PIGG: variants seen among roughly 807,000 people sequenced by gnomAD.
PIGG encodes the protein phosphatidylinositol glycan anchor biosynthesis class G (EMM blood group).
In PIGG, 70 loss-of-function variants were observed where a neutral mutation model predicts 83.2. The ratio of observed to expected loss-of-function variants is 0.84; its 90% CI spans 0.69 to 1.03. PIGG has a LOEUF of 1.03. Among genes scored for constraint, PIGG ranks in the 50% least tolerant of loss-of-function variants. The pLI is 0.00. For synonymous variants in PIGG, 532 were observed against 519.5 expected, an observed-to-expected ratio of 1.02 and a Z score of -0.33; for missense variants, 1,257 against 1,233.6, an observed-to-expected ratio of 1.02 and a Z score of -0.28.
At chr4:517,809 C>T (rs761659704) in intron 6 of PIGG, among the ~76,000 whole-genome samples, 31 of 150,750 alleles carry the variant, frequency 2.1e-4, no homozygotes, top group Middle Eastern at 3.4e-3. Flanking sequence ...AGGAGAGGAA[C>T]GTTTGTCTCC....
intron 12 of PIGG, among the ~76,000 whole-genome samples, chr4:538,787 G>A (rs1731370464): frequency 6.6e-6 from 1 of 152,200 alleles, no homozygotes; most frequent in Non-Finnish European, 1.5e-5. Flanking sequence ...TCAAGTTTCA[G>A]AAGCATTTCT....
In PIGG at chr4:507,427, A is replaced by G; in HGVS notation, c.593A>G (p.His198Arg). The change falls in exon 4 of 13, where the codon CAT (histidine) becomes CGT (arginine). Residue 198 changes from histidine to arginine, a missense_variant. Coordinates refer to ENST00000453061, the MANE Select transcript of PIGG (RefSeq NM_001127178.3). ...YTEVDNNVTR[H>R]LDKVLKRGDW... ...AAGGTGGATAATAATGTCACGAGGC[A>G]TTTGGATAAAGTATTAAAAAGAGGA... The G allele has an allele frequency of 6.2e-7, 1 of 1,612,678 alleles. No homozygotes were observed. Among genetic ancestry groups the G allele is most frequent in the African/African-American group, 1.3e-5 (1 of 75,030 alleles).
intron 7 of PIGG, 114 bp from the exon 8 acceptor site, chr4:521,546 G>T: frequency 9.9e-7 from 1 of 1,008,162 alleles, no homozygotes; most frequent in Non-Finnish European, 1.4e-6. Context: ...TCCTGAGCTT[G>T]CTTTTCTGTT....
chr4:528,848 G>T lies in PIGG; in HGVS notation c.2262-1588G>T, dbSNP rs376088444. ...GCCAGTGTGCCTTTTCTTTCCACAC[G>T]CACTGCCTGGTTCACCTTCTTCCTG... On this transcript the variant is annotated intron_variant, in intron 10 of 12. Transcript: ENST00000453061. The surrounding 1 kb of genome is among the most constrained non-coding windows in gnomAD (Gnocchi z 4.8). 1 of 400,266 alleles carries T rather than the reference G, an allele frequency of 2.5e-6. No homozygotes were observed. The allele number at this position is 400,266 out of a possible 1,614,324, so 24.8% of individuals were successfully genotyped here.
At position 524,278 on chromosome 4, in the gene PIGG, C is replaced by T. The variant is rs373953616; in HGVS notation, c.2069+365C>T. Among the ~76,000 whole-genome samples, 190 of 152,340 alleles carry T rather than the reference C, an allele frequency of 1.2e-3. 1 individual carries two copies. The South Asian group carries it at 0.033, about 26-fold the overall frequency. On this transcript the variant is annotated intron_variant, in intron 9 of 12. Coordinates refer to ENST00000453061, the MANE Select transcript of PIGG (RefSeq NM_001127178.3). ...GTCCATGCCTGGGCTGTGTGCCCCC[C>T]GCCCATCACTCAGTGTCTGCCTGTG...
intron 6 of PIGG, among the ~76,000 whole-genome samples, chr4:516,684 C>T (rs1163991136): frequency 3.3e-5 from 5 of 151,902 alleles, no homozygotes; most frequent in Admixed American, 6.6e-5. Context: ...AGTGAAACCC[C>T]GTCTCTACTA....
intron 9 of PIGG, chr4:525,536 GA>G (rs1727336751): frequency 5.5e-6 from 1 of 181,230 alleles, no homozygotes; most frequent in Non-Finnish European, 1.1e-5. Flanking sequence ...CATACCTGCT[GA>G]GGCAGAGAAG....
chr4:526,330 G>A (rs1442908081), intron 9 of PIGG, among the ~76,000 whole-genome samples: 1 of 152,248 alleles, frequency 6.6e-6, no homozygotes, highest in Non-Finnish European at 1.5e-5. Flanking sequence ...TTTGAAGCGG[G>A]AGCTGCAGTG....
chr4:518,404 T>C (rs903594620), intron 6 of PIGG, among the ~76,000 whole-genome samples: 11 of 152,020 alleles, frequency 7.2e-5, no homozygotes, highest in Admixed American at 2.0e-4. Context: ...CCGTCCTGGC[T>C]AACACAGTGA....
chr4:526,760 C>T (rs917179922), intron 9 of PIGG, among the ~76,000 whole-genome samples: 1 of 150,674 alleles, frequency 6.6e-6, no homozygotes, highest in Non-Finnish European at 1.5e-5. Flanking sequence ...GTGGCCCAGA[C>T]TGGTCTCAAA....
chr4:521,347 AAT>A (rs920205394), intron 7 of PIGG, 74 bp downstream of exon 7: 15 of 907,018 alleles, frequency 1.7e-5, no homozygotes, highest in African/African-American at 5.1e-5. Flanking sequence ...TATAGTTTTA[AAT>A]ATATATATAG....
intron 6 of PIGG, among the ~76,000 whole-genome samples, chr4:516,965 A>G (rs1031700954): frequency 2.6e-5 from 4 of 152,040 alleles, no homozygotes; most frequent in Non-Finnish European, 5.9e-5. Flanking sequence ...GGGAGGGCAC[A>G]TTACAGGCTG....
intron 5 of PIGG, among the ~76,000 whole-genome samples, chr4:512,627 C>T (rs1722478916): frequency 6.6e-6 from 1 of 151,762 alleles, no homozygotes; most frequent in Non-Finnish European, 1.5e-5. Flanking sequence ...CCAGCCTGAC[C>T]AACACGGTGA....
intron 6 of PIGG, among the ~76,000 whole-genome samples, chr4:516,601 TA>T (rs1412555466): frequency 6.6e-6 from 1 of 152,086 alleles, no homozygotes; most frequent in East Asian, 1.9e-4. Flanking sequence ...CTCACGCCTG[TA>T]ATCCCAGCAC....
At position 507,555 on chromosome 4, in the gene PIGG, A is replaced by G. The variant is rs201744426; in HGVS notation, c.721A>G (p.Ser241Gly). The change falls in exon 4 of 13, where the codon AGC (serine) becomes GGC (glycine). Residue 241 changes from serine (S) to glycine (G), a missense_variant. Physicochemically the swap from Ser to Gly is moderately conservative, Grantham distance 56. Transcript: ENST00000453061. ...TGGGCAGAAGCTGAGCGAGATGGAC[A>G]GCGTGCTGATGAAGATCCACACCTC... ...LIGQKLSEMDSVLMKIHTSLQ... is the reference protein window; with the variant it reads ...LIGQKLSEMDGVLMKIHTSLQ... The G allele has an allele frequency of 3.4e-5, 55 of 1,614,006 alleles. No individual in the cohort carries two copies. The highest frequency in any genetic ancestry group is 4.5e-5 in the Non-Finnish European group (53 of 1,180,026).
intron 11 of PIGG, chr4:531,379 T>C (rs1429809912): frequency 4.2e-5 from 6 of 142,112 alleles, no homozygotes; most frequent in Admixed American, 4.2e-4. Flanking sequence ...CCCTGCTGGT[T>C]CCCTTCCAGT....
At chr4:516,285 G>A (rs776131317) in intron 6 of PIGG, 100 bp downstream of exon 6, 43 of 772,362 alleles carry the variant, frequency 5.6e-5, no homozygotes, top group Non-Finnish European at 7.6e-5. Context: ...TGTCACAGGA[G>A]TATTTTTTCA....
intron 5 of PIGG, among the ~76,000 whole-genome samples, chr4:512,685 G>T (rs527975516): frequency 1.3e-3 from 195 of 151,740 alleles, no homozygotes; most frequent in East Asian, 0.011. Flanking sequence ...TGTGGTGGTG[G>T]GCGCCTGTAA....
At chr4:503,343 C>T (rs1215511063) in intron 2 of PIGG, among the ~76,000 whole-genome samples, 3 of 152,174 alleles carry the variant, frequency 2.0e-5, no homozygotes, top group East Asian at 1.9e-4. Context: ...CAGTAGTTTA[C>T]GCTCTGCCCA....
Sources: allele counts gnomAD v4.1 joint callset (sites outside exome capture counted in the v4.1 genomes callset), GRCh38; gene constraint gnomAD v4.1.1; non-coding constraint Gnocchi (gnomAD v3.1); transcripts MANE v1.5; gene names NCBI Gene and HGNC (gene_info 2026-07-23, HGNC 2026-07-21).